The following SPATA13 variants were observed in gnomAD, a reference collection of about 807,000 sequenced individuals.
SPATA13 encodes spermatogenesis-associated protein 13.
SPATA13 carries 50 observed loss-of-function variants against 104.0 expected under a neutral mutation model. The observed-to-expected ratio is 0.48, with a 90% CI of 0.38 to 0.61. The LOEUF is 0.61. Ranked by LOEUF, SPATA13 falls within the 20% of genes least tolerant of loss-of-function variation. SPATA13 has a pLI of 0.00. For missense variants in SPATA13, 1,524 were observed against 1,690.6 expected (o/e 0.90, Z 1.73); for synonymous variants, 606 against 667.5 (o/e 0.91, Z 1.42).
chr13:24,061,575 G>A (rs1468020161), intron 3 of SPATA13, among the ~76,000 whole-genome samples: 1 of 152,144 alleles, frequency 6.6e-6, no homozygotes, highest in Admixed American at 6.5e-5. Flanking sequence ...ATAGGGACAT[G>A]GATGGAGCTG....
intron 1 of SPATA13, among the ~76,000 whole-genome samples, chr13:24,167,695 A>T (rs1209048012): frequency 6.6e-6 from 1 of 152,008 alleles, no homozygotes; most frequent in Non-Finnish European, 1.5e-5. Context: ...TCACTCACTC[A>T]CTCCATCTCT....
Position 24,289,023 on chromosome 13 carries a change from C to T in SPATA13, c.2692C>T (p.His898Tyr). 1 of 1,610,492 alleles carries T rather than the reference C, an allele frequency of 6.2e-7. No individual in the cohort carries two copies. Among genetic ancestry groups the T allele is most frequent in the Non-Finnish European group, 8.5e-7 (1 of 1,179,086 alleles). ...GGGCTATATCCGACAGTGCCGCAAG[C>T]ACACAGGAATGTTCACCGTTGCGCA... ...CEGYIRQCRK[H>Y]TGMFTVAQLA... The change falls in exon 8 of 13, where the codon CAC (histidine) becomes TAC (tyrosine). Residue 898 changes from histidine to tyrosine, a missense_variant. Physicochemically the swap from His to Tyr is moderately conservative, Grantham distance 83. Transcript: ENST00000382108.
chr13:24,145,738 T>C (rs1270834670), intron 3 of SPATA13, among the ~76,000 whole-genome samples: 5 of 152,170 alleles, frequency 3.3e-5, no homozygotes, highest in African/African-American at 9.7e-5. Context: ...GATCAATAAA[T>C]AGAGAACGGC....
intron 8 of SPATA13, among the ~76,000 whole-genome samples, chr13:24,290,002 G>A (rs147080320): frequency 1.3e-5 from 2 of 152,306 alleles, no homozygotes; most frequent in African/African-American, 2.4e-5. Context: ...CATGTGTGAC[G>A]TGGGCATATC....
At chr13:24,160,694 G>A (rs571985010), upstream of SPATA13, 4,973 of 984,472 alleles carry the variant, frequency 5.1e-3, 17 homozygotes, top group Non-Finnish European at 5.7e-3. Context: ...GCCTGGTGGG[G>A]AGCGGGGCTG....
chr13:24,249,580 G>C lies in SPATA13; in HGVS notation c.1757G>C (p.Arg586Thr). ...KRRWGSGRRPRPRPFSDYGQL... is the reference protein window; with the variant it reads ...KRRWGSGRRPTPRPFSDYGQL... ...AGATGGGGCTCTGGGAGACGGCCAA[G>C]GCCTCGGCCATTCTCTGACTACGGC... Residue 586 changes from arginine to threonine, a missense_variant, in exon 3 of 13, where the codon AGG becomes ACG. Around this residue, in one of 2 missense-constraint regions of SPATA13, gnomAD observed 1,089 missense variants for 1,135.9 expected, o/e 0.96. Transcript: ENST00000382108. 1.2e-6 allele frequency: 2 copies of C among 1,614,030 alleles called. No individual in the cohort carries two copies. Among genetic ancestry groups the C allele is most frequent in the Non-Finnish European group, 1.7e-6 (2 of 1,179,890 alleles).
At chr13:23,994,366 T>A (rs9580821) in intron 2 of SPATA13, among the ~76,000 whole-genome samples, 21,363 of 152,080 alleles carry the variant, frequency 0.14, 1,883 homozygotes, top group Admixed American at 0.26. Context: ...GTATAGAGGG[T>A]GGAATGAGAC....
At chr13:24,262,296 C>A (rs1593472653) in intron 4 of SPATA13, among the ~76,000 whole-genome samples, 3 of 146,984 alleles carry the variant, frequency 2.0e-5, no homozygotes, top group African/African-American at 2.5e-5. Flanking sequence ...TTGTTTAAAA[C>A]AAAGTTTTTT....
At chr13:24,220,248 G>A (rs971164726) in intron 1 of SPATA13, among the ~76,000 whole-genome samples, 3 of 152,182 alleles carry the variant, frequency 2.0e-5, no homozygotes, top group South Asian at 2.1e-4. Context: ...AGGTTAGGCC[G>A]ATTCCCATGT....
At chr13:23,988,452 A>G (rs887920169) in intron 2 of SPATA13, among the ~76,000 whole-genome samples, 4 of 152,128 alleles carry the variant, frequency 2.6e-5, no homozygotes, top group Non-Finnish European at 5.9e-5. Flanking sequence ...AGTTTTTTCC[A>G]TGCTTCTATG....
chr13:24,268,426 A>G (rs1280861692), intron 4 of SPATA13, among the ~76,000 whole-genome samples: 1 of 152,206 alleles, frequency 6.6e-6, no homozygotes, highest in Non-Finnish European at 1.5e-5. Context: ...TGTCTATTAA[A>G]CATCTTAAGT....
At chr13:24,177,375 A>G (rs911771806) in intron 1 of SPATA13, among the ~76,000 whole-genome samples, 8 of 152,220 alleles carry the variant, frequency 5.3e-5, no homozygotes, top group African/African-American at 1.7e-4. Context: ...CAGAGGTGCC[A>G]GCAAATTCAC....
intron 2 of SPATA13, among the ~76,000 whole-genome samples, chr13:24,232,831 G>A (rs1344845678): frequency 6.6e-6 from 1 of 152,226 alleles, no homozygotes; most frequent in Non-Finnish European, 1.5e-5. Flanking sequence ...TTACAGGCAT[G>A]AGCCACCACT....
intron 4 of SPATA13, among the ~76,000 whole-genome samples, chr13:24,262,700 A>G (rs1874114682): frequency 6.6e-6 from 1 of 152,226 alleles, no homozygotes; most frequent in African/African-American, 2.4e-5. Flanking sequence ...GGCACACAGT[A>G]AGTGTGCAGT....
chr13:24,171,597 C>T (rs906545879), intron 1 of SPATA13, among the ~76,000 whole-genome samples: 5 of 152,204 alleles, frequency 3.3e-5, no homozygotes, highest in African/African-American at 1.2e-4. Context: ...GCTGGTGCCC[C>T]ACTGGGTCAG....
chr13:24,216,776 C>A (rs1043529515), intron 1 of SPATA13, among the ~76,000 whole-genome samples: 1 of 152,166 alleles, frequency 6.6e-6, no homozygotes, highest in Non-Finnish European at 1.5e-5. Flanking sequence ...TATGGCTGGG[C>A]ATGGTGGCTC....
intron 3 of SPATA13, among the ~76,000 whole-genome samples, chr13:24,106,791 G>A (rs1880468462): frequency 6.6e-6 from 1 of 152,142 alleles, no homozygotes; most frequent in African/African-American, 2.4e-5. Flanking sequence ...AAAGACACGT[G>A]AATAATAGGT....
chr13:24,078,894 A>G (rs1170426567), intron 3 of SPATA13, among the ~76,000 whole-genome samples: 2 of 152,232 alleles, frequency 1.3e-5, no homozygotes, highest in East Asian at 1.9e-4. Context: ...GGTACTGTGG[A>G]CCCAACAGTT....
chr13:24,108,662 G>T (rs113474651), intron 3 of SPATA13, among the ~76,000 whole-genome samples: 1 of 75,822 alleles, frequency 1.3e-5, no homozygotes, highest in East Asian at 3.6e-4. Context: ...TTCATGGTAG[G>T]GGGGGGGAAG....
Sources: allele counts gnomAD v4.1 joint callset (sites outside exome capture counted in the v4.1 genomes callset), GRCh38; gene constraint gnomAD v4.1.1; regional missense constraint gnomAD v4.1.1; transcripts MANE v1.5; gene names NCBI Gene and HGNC (gene_info 2026-07-23, HGNC 2026-07-21).